Variants in SMOC1 observed in about 807,000 individuals in gnomAD.
SMOC1 encodes the protein SPARC-related modular calcium-binding protein 1.
SMOC1 carries 22 observed loss-of-function variants against 56.3 expected under a neutral mutation model. The ratio of observed to expected loss-of-function variants is 0.39; its 90% CI spans 0.28 to 0.56. The LOEUF is 0.56. Ranked by LOEUF, SMOC1 falls within the 20% of genes least tolerant of loss-of-function variation. The pLI, the probability that SMOC1 is intolerant of heterozygous loss-of-function variation, is 0.61. For synonymous variants in SMOC1, 193 were observed against 215.0 expected, an observed-to-expected ratio of 0.90 and a Z score of 0.89; for missense variants, 509 against 565.4, an observed-to-expected ratio of 0.90 and a Z score of 1.01.
intron 1 of SMOC1, chr14:69,885,273 T>A: frequency 2.0e-6 from 2 of 976,318 alleles, no homozygotes; most frequent in South Asian, 3.4e-5. Flanking sequence ...CTTCTTTTTT[T>A]TTTTTTTTAA....
chr14:69,889,524 T>C (rs1023584226), intron 1 of SMOC1, among the ~76,000 whole-genome samples: 4 of 152,244 alleles, frequency 2.6e-5, no homozygotes, highest in Non-Finnish European at 2.9e-5. Context: ...CCCGGGCTAG[T>C]AATCTGGCCT....
At chr14:69,936,085 G>C (rs1885287854) in intron 1 of SMOC1, among the ~76,000 whole-genome samples, 1 of 152,154 alleles carries the variant, frequency 6.6e-6, no homozygotes, top group African/African-American at 2.4e-5. Context: ...TGTCTTGCAA[G>C]GTCTTATTTT....
intron 5 of SMOC1, among the ~76,000 whole-genome samples, chr14:69,986,100 C>A (rs577515920): frequency 6.6e-6 from 1 of 152,268 alleles, no homozygotes; most frequent in Admixed American, 6.5e-5. Context: ...ATATATGCAA[C>A]CACAACTTGA....
chr14:70,020,519 G>A (rs1036816831), intron 10 of SMOC1, among the ~76,000 whole-genome samples: 6 of 152,130 alleles, frequency 3.9e-5, no homozygotes, highest in Middle Eastern at 3.2e-3. Context: ...GGACCCTCGG[G>A]CCTCACAGGG....
chr14:69,949,984 G>A (rs1484788305), intron 1 of SMOC1, among the ~76,000 whole-genome samples: 1 of 152,180 alleles, frequency 6.6e-6, no homozygotes, highest in East Asian at 1.9e-4. Context: ...GAGGCAGTGG[G>A]CTTCTCTGGA....
chr14:70,015,020 A>G (rs1018581395), intron 10 of SMOC1, among the ~76,000 whole-genome samples: 2 of 152,218 alleles, frequency 1.3e-5, no homozygotes, highest in Admixed American at 1.3e-4. Context: ...ATATCAAATC[A>G]AAGTGAGTGC....
intron 8 of SMOC1, 37 bp from the exon 9 acceptor site, chr14:70,011,448 G>GGCCC: frequency 5.2e-6 from 7 of 1,356,880 alleles, no homozygotes; most frequent in East Asian, 4.7e-5. Flanking sequence ...TCAGTTGCCA[G>GGCCC]CCCCTCCCAA....
intron 2 of SMOC1, 122 bp downstream of exon 2, chr14:69,952,425 T>G: frequency 1.8e-6 from 2 of 1,108,414 alleles, no homozygotes; most frequent in Non-Finnish European, 2.6e-6. Flanking sequence ...TTCCTATCTC[T>G]CCACCCCTTC....
At chr14:70,023,829 A>G (rs866142926) in intron 11 of SMOC1, among the ~76,000 whole-genome samples, 37 of 145,040 alleles carry the variant, frequency 2.6e-4, no homozygotes, top group Admixed American at 1.9e-3. Flanking sequence ...GAGTGTGTGT[A>G]TGTGTGTGTG....
chr14:69,943,149 C>T (rs747715477), intron 1 of SMOC1, among the ~76,000 whole-genome samples: 6 of 152,162 alleles, frequency 3.9e-5, no homozygotes, highest in Non-Finnish European at 8.8e-5. Flanking sequence ...CTCCAGCTGC[C>T]CAACAGCTGG....
At chr14:69,930,312 G>C (rs1885134348) in intron 1 of SMOC1, among the ~76,000 whole-genome samples, 1 of 145,594 alleles carries the variant, frequency 6.9e-6, no homozygotes, top group African/African-American at 2.8e-5. Flanking sequence ...AAGGCCGTCA[G>C]CTGCCGGATC....
At chr14:70,003,253 T>G (rs1017421387) in intron 7 of SMOC1, among the ~76,000 whole-genome samples, 1 of 152,206 alleles carries the variant, frequency 6.6e-6, no homozygotes, top group African/African-American at 2.4e-5. Flanking sequence ...ACAATGCTAA[T>G]TTTTTCTTTA....
intron 1 of SMOC1, among the ~76,000 whole-genome samples, chr14:69,883,136 G>A (rs1883690212): frequency 6.6e-6 from 1 of 152,120 alleles, no homozygotes; most frequent in Non-Finnish European, 1.5e-5. Context: ...TTATTTTTGT[G>A]GTGAGAGCAC....
rs753185580 is a variant in SMOC1, at chr14:69,994,472, G to C, written c.656G>C (p.Arg219Thr). The C allele has an allele frequency of 6.2e-7, 1 of 1,612,364 alleles. No homozygotes were observed. Among genetic ancestry groups the C allele is most frequent in the Admixed American group, 1.7e-5 (1 of 60,008 alleles). ...TCCAAACTGAACAACACCAACATAA[G>C]AAATTCAGGTAAATAACCTTCCTTG... is the stretch of plus-strand genomic sequence containing the variant. Reference protein sequence around the residue: ...KDSKLNNTNIRNSEKVYSCDQ... With the variant: ...KDSKLNNTNITNSEKVYSCDQ... Residue 219 changes from arginine to threonine, a missense_variant, in exon 7 of 12, where the codon AGA (arginine) becomes ACA (threonine). Coordinates refer to ENST00000361956, the MANE Select transcript of SMOC1 (RefSeq NM_001034852.3).
intron 1 of SMOC1, among the ~76,000 whole-genome samples, chr14:69,938,589 C>T (rs1366610061): frequency 6.6e-6 from 1 of 151,982 alleles, no homozygotes; most frequent in African/African-American, 2.4e-5. Flanking sequence ...TGTTGGGCTG[C>T]TGCTGTATTG....
intron 7 of SMOC1, among the ~76,000 whole-genome samples, chr14:70,007,951 C>T (rs1346459083): frequency 6.6e-6 from 1 of 152,146 alleles, no homozygotes; most frequent in East Asian, 1.9e-4. Context: ...TGATAAATCA[C>T]TCCTGTCTCT....
At chr14:69,991,534 A>G (rs170569) in intron 5 of SMOC1, among the ~76,000 whole-genome samples, 34,775 of 152,062 alleles carry the variant, frequency 0.23, 5,410 homozygotes, top group African/African-American at 0.44. Flanking sequence ...TGGGGCCCTG[A>G]TGAAAGAACT....
chr14:69,984,497 A>G (rs1884291492), intron 5 of SMOC1, among the ~76,000 whole-genome samples: 1 of 152,190 alleles, frequency 6.6e-6, no homozygotes, highest in South Asian at 2.1e-4. Context: ...TAGGACTCAT[A>G]TCTAGAGAAT....
At chr14:70,028,249 G>A (rs561421936) in intron 11 of SMOC1, among the ~76,000 whole-genome samples, 4 of 152,294 alleles carry the variant, frequency 2.6e-5, no homozygotes, top group African/African-American at 9.6e-5. Flanking sequence ...CTGTGAGGCA[G>A]GCGGGGTGGG....
Sources: allele counts gnomAD v4.1 joint callset (sites outside exome capture counted in the v4.1 genomes callset), GRCh38; gene constraint gnomAD v4.1.1; transcripts MANE v1.5; gene names NCBI Gene and HGNC (gene_info 2026-07-23, HGNC 2026-07-21).